Variants in SERPINB7 observed in about 807,000 individuals in gnomAD.
SERPINB7 encodes the protein serpin B7.
Under a neutral mutation model 37.4 loss-of-function variants are expected in SERPINB7, and 31 were observed. That is an observed-to-expected ratio of 0.83 (90% CI 0.62 to 1.12). The LOEUF (loss-of-function observed/expected upper bound fraction) is 1.12. SERPINB7 is among the 50% of genes most tolerant of loss of function. The pLI, the probability that SERPINB7 is intolerant of heterozygous loss-of-function variation, is 0.00. For synonymous variants in SERPINB7, 163 were observed against 166.1 expected, an observed-to-expected ratio of 0.98 and a Z score of 0.14; for missense variants, 521 against 455.3, an observed-to-expected ratio of 1.14 and a Z score of -1.31.
chr18:63,764,148 G>C (rs1428400230), intron 1 of SERPINB7, among the ~76,000 whole-genome samples: 1 of 152,162 alleles, frequency 6.6e-6, no homozygotes, highest in Non-Finnish European at 1.5e-5. Flanking sequence ...TCTTATAAGT[G>C]ATTGTTAACC....
At chr18:63,798,815 G>T in intron 6 of SERPINB7, 69 bp downstream of exon 6, 1 of 1,484,300 alleles carries the variant, frequency 6.7e-7, no homozygotes. Flanking sequence ...GACTGTGATA[G>T]TTACATAGTA....
At chr18:63,773,420 G>A (rs1005910607), upstream of SERPINB7, among the ~76,000 whole-genome samples, 17 of 151,928 alleles carry the variant, frequency 1.1e-4, no homozygotes, top group African/African-American at 3.9e-4. Context: ...CCATTTTCTG[G>A]GCACTACACT....
At chr18:63,797,238 A>T (rs2049498049) in intron 5 of SERPINB7, among the ~76,000 whole-genome samples, 1 of 152,220 alleles carries the variant, frequency 6.6e-6, no homozygotes, top group Admixed American at 6.5e-5. Context: ...TGCCTCAGAA[A>T]TATGATATAA....
At chr18:63,771,660 A>G (rs2049212138), upstream of SERPINB7, among the ~76,000 whole-genome samples, 1 of 152,114 alleles carries the variant, frequency 6.6e-6, no homozygotes, top group Non-Finnish European at 1.5e-5. Context: ...TATTACTCCA[A>G]AAATAGTCAG....
At chr18:63,771,764 G>T (rs1272407172), upstream of SERPINB7, among the ~76,000 whole-genome samples, 1 of 151,964 alleles carries the variant, frequency 6.6e-6, no homozygotes, top group Non-Finnish European at 1.5e-5. Context: ...AGAACAGATG[G>T]ACTGTGATTT....
At chr18:63,803,536 T>A (rs1028104229) in intron 7 of SERPINB7, among the ~76,000 whole-genome samples, 8 of 152,194 alleles carry the variant, frequency 5.3e-5, no homozygotes, top group Non-Finnish European at 1.0e-4. Flanking sequence ...TGAATTGGCT[T>A]TGTGAATTGT....
intron 4 of SERPINB7, among the ~76,000 whole-genome samples, chr18:63,794,993 A>T (rs1262458317): frequency 6.6e-6 from 1 of 152,208 alleles, no homozygotes; most frequent in Non-Finnish European, 1.5e-5. Flanking sequence ...TTCCACAAAA[A>T]TATATTTGTG....
chr18:63,753,741 T>C (rs991050411), intron 1 of SERPINB7, among the ~76,000 whole-genome samples: 3 of 152,188 alleles, frequency 2.0e-5, no homozygotes, highest in Admixed American at 6.5e-5. Flanking sequence ...TCAATGATAT[T>C]TGGCAACTTT....
chr18:63,775,535 G>A lies in SERPINB7; in HGVS notation c.-200G>A, dbSNP rs977604793. The stretch of plus-strand genomic sequence containing the variant: ...AGAAATGCTGACTTTGGTTCATTAG[G>A]TAGTGGTAAAACAGGCTCCCTTCGA... On this transcript the variant is annotated 5_prime_UTR_variant, in exon 1 of 8. Coordinates refer to ENST00000398019, the MANE Select transcript of SERPINB7 (RefSeq NM_003784.4). The A allele has an allele frequency of 3.3e-5, 5 of 152,124 alleles. No individual in the cohort carries two copies. The highest frequency in any genetic ancestry group is 7.4e-5 in the Non-Finnish European group (5 of 68,026). The allele number at this position is 152,124 out of a possible 1,614,324, so 9.4% of individuals were successfully genotyped here.
intron 2 of SERPINB7, among the ~76,000 whole-genome samples, chr18:63,787,533 G>T (rs760988502): frequency 6.6e-6 from 1 of 152,128 alleles, no homozygotes; most frequent in Non-Finnish European, 1.5e-5. Context: ...TTGCCTGGGT[G>T]CCACAAGCAT....
At chr18:63,778,165 A>G (rs2049268806) in intron 1 of SERPINB7, 1 of 151,978 alleles carries the variant, frequency 6.6e-6, no homozygotes, top group Non-Finnish European at 1.5e-5. Flanking sequence ...TAGATTCTAT[A>G]TTTCCTGTGT....
intron 1 of SERPINB7, among the ~76,000 whole-genome samples, chr18:63,753,451 C>G (rs573754265): frequency 3.3e-5 from 5 of 152,150 alleles, no homozygotes; most frequent in Non-Finnish European, 7.3e-5. Flanking sequence ...TGCCTACTGA[C>G]GGCTGAATAG....
rs1052562249 is a variant in SERPINB7, at chr18:63,805,305, A to G, written c.*670A>G. 7 of 152,384 alleles carry G rather than the reference A, an allele frequency of 4.6e-5. No homozygotes were observed. The highest frequency in any genetic ancestry group is 3.3e-4 in the Admixed American group (5 of 15,292). 9.4% of individuals were successfully genotyped at this position (152,384 alleles called of 1,614,324 possible). ...GTTGGCAGTTGTTATCTACAGAATC[A>G]TATCTCATATGCTGTGTAGTTTATA... On this transcript the variant is annotated 3_prime_UTR_variant, in exon 8 of 8. Coordinates refer to ENST00000398019, the MANE Select transcript of SERPINB7 (RefSeq NM_003784.4).
In SERPINB7 at chr18:63,782,335, A is replaced by T. The variant is rs966062004; in HGVS notation, c.-18-20A>T. 1.7e-5 allele frequency: 24 copies of T among 1,394,008 alleles called. No individual in the cohort carries two copies. The highest frequency in any genetic ancestry group is 2.2e-5 in the Non-Finnish European group (23 of 1,055,506). 86.4% of individuals were successfully genotyped at this position (1,394,008 alleles called of 1,614,324 possible). A position where few individuals can be genotyped will look rare whatever the true frequency, so the allele number is the denominator to read the frequency against. ...AGAAAATGTACCGGGAACTAATTTC[A>T]TTTTCTCATTGTCCTCTAGGCTGCA... is the stretch of plus-strand genomic sequence containing the variant. On this transcript the variant is annotated intron_variant, in intron 1 of 7. Coordinates refer to ENST00000398019, the MANE Select transcript of SERPINB7 (RefSeq NM_003784.4).
rs1053497107 is a variant in SERPINB7, at chr18:63,785,826, A to G, written c.168+3286A>G. 1.0e-4 allele frequency among the ~76,000 whole-genome samples: 15 copies of G among 149,168 alleles called. No individual in the cohort carries two copies. In the Admixed American group the frequency reaches 1.0e-3, roughly 10 times the overall value. Reference sequence around the variant, plus strand: ...AAAAGTATTAAAAAGTGATTTTCCTATTTCGTAAGCTACTTACTCCTCTCT... The same window carrying G: ...AAAAGTATTAAAAAGTGATTTTCCTGTTTCGTAAGCTACTTACTCCTCTCT... On this transcript the variant is annotated intron_variant, in intron 2 of 7. Transcript: ENST00000398019.
chr18:63,776,444 C>T (rs780971400), intron 1 of SERPINB7, among the ~76,000 whole-genome samples: 11 of 151,630 alleles, frequency 7.3e-5, no homozygotes, highest in Non-Finnish European at 1.3e-4. Context: ...TGTATTCTTT[C>T]GTGCCTGATT....
At chr18:63,766,656 C>A (rs1288066065) in intron 1 of SERPINB7, among the ~76,000 whole-genome samples, 2 of 152,048 alleles carry the variant, frequency 1.3e-5, no homozygotes, top group African/African-American at 4.8e-5. Context: ...GTCTATTATT[C>A]TTCCACTAGA....
intron 2 of SERPINB7, among the ~76,000 whole-genome samples, chr18:63,791,888 G>A (rs2049432860): frequency 6.6e-6 from 1 of 152,112 alleles, no homozygotes; most frequent in Non-Finnish European, 1.5e-5. Context: ...GAGATTACAG[G>A]CCTGAGCCAC....
At chr18:63,781,000 GT>G (rs200725791) in intron 1 of SERPINB7, among the ~76,000 whole-genome samples, 4 of 151,620 alleles carry the variant, frequency 2.6e-5, no homozygotes, top group East Asian at 1.9e-4. Flanking sequence ...TACTAGAAAA[GT>G]TTTTTTTTAA....
Sources: allele counts gnomAD v4.1 joint callset (sites outside exome capture counted in the v4.1 genomes callset), GRCh38; gene constraint gnomAD v4.1.1; transcripts MANE v1.5; gene names NCBI Gene and HGNC (gene_info 2026-07-23, HGNC 2026-07-21).